Variants in SHLD1 observed in about 807,000 individuals in gnomAD.
SHLD1 encodes the protein shieldin complex subunit 1, also known as RINN1-REV7-interacting novel NHEJ regulator 3.
In SHLD1, 3 loss-of-function variants were observed where a neutral mutation model predicts 5.5. The observed-to-expected ratio is 0.54, with a 90% CI of 0.25 to 1.40. The LOEUF (loss-of-function observed/expected upper bound fraction) is 1.40. Ranked by LOEUF, SHLD1 falls within the 40% of genes most tolerant of loss-of-function variation. The pLI is 0.15. For missense variants in SHLD1, 210 were observed against 244.4 expected (o/e 0.86, Z 0.94); for synonymous variants, 92 against 94.3 (o/e 0.98, Z 0.14).
intron 1 of SHLD1, among the ~76,000 whole-genome samples, chr20:5,765,459 G>A (rs772999661): frequency 4.5e-4 from 69 of 151,772 alleles, no homozygotes; most frequent in Non-Finnish European, 5.9e-4. Flanking sequence ...CATATTGGCC[G>A]GGGTGGTCTC....
intron 2 of SHLD1, among the ~76,000 whole-genome samples, chr20:5,812,408 A>G (rs950167884): frequency 1.3e-5 from 2 of 152,170 alleles, no homozygotes; most frequent in African/African-American, 4.8e-5. Flanking sequence ...CAACTGGAAG[A>G]TGGTAAGAAC....
chr20:5,856,673 T>A (rs6076878), intron 2 of SHLD1, among the ~76,000 whole-genome samples: 66,256 of 152,066 alleles, frequency 0.44, 14,776 homozygotes, highest in Non-Finnish European at 0.48. Flanking sequence ...TGATAAGTGA[T>A]CATTGATGAC....
Position 5,854,167 on chromosome 20 carries a change from A to G in SHLD1, c.179-8857A>G, listed in dbSNP as rs2088051000. Among the ~76,000 whole-genome samples, 7 of 152,150 alleles carry G rather than the reference A, an allele frequency of 4.6e-5. No homozygotes were observed. The South Asian group carries it at 1.5e-3, about 32-fold the overall frequency. The stretch of plus-strand genomic sequence containing the variant: ...ATTACAGGCATGTTCTACCATGCCC[A>G]GCTAATTTTTGTATTTGTAGTACAG... On this transcript the variant is annotated intron_variant, in intron 2 of 2. Transcript: ENST00000303142.
chr20:5,792,747 C>A (rs950567129), intron 2 of SHLD1, among the ~76,000 whole-genome samples: 1 of 151,414 alleles, frequency 6.6e-6, no homozygotes, highest in Admixed American at 6.6e-5. Context: ...GATCCCGGCT[C>A]ACTGTAGCCT....
chr20:5,772,709 C>T (rs542187645), intron 1 of SHLD1, among the ~76,000 whole-genome samples, 153 bp from the exon 2 acceptor site: 32 of 152,168 alleles, frequency 2.1e-4, no homozygotes, highest in African/African-American at 7.2e-4. Flanking sequence ...CCCAGGAGTT[C>T]AAGACCAGCC....
chr20:5,848,040 T>C (rs2122485234), intron 2 of SHLD1, among the ~76,000 whole-genome samples: 1 of 152,296 alleles, frequency 6.6e-6, no homozygotes, highest in South Asian at 2.1e-4. Flanking sequence ...GTTCCTATAT[T>C]AGAATACTAT....
At position 5,855,406 on chromosome 20, in the gene SHLD1, C is replaced by T. The variant is rs1187778215; in HGVS notation, c.179-7618C>T. On this transcript the variant is annotated intron_variant, in intron 2 of 2. Transcript: ENST00000303142. The surrounding 1 kb of genome is among the most constrained non-coding windows in gnomAD (Gnocchi z 4.4). ...TTTATTTTTGAGACAGAGTCTCGCT[C>T]TGTCACCTAGACTGGAGTACAGTGG... Among the ~76,000 whole-genome samples, 2 of 152,194 alleles carry T rather than the reference C, an allele frequency of 1.3e-5. No homozygotes were observed. Among genetic ancestry groups the T allele is most frequent in the Non-Finnish European group, 2.9e-5 (2 of 68,044 alleles).
chr20:5,811,205 T>TC (rs1348593903), intron 2 of SHLD1, among the ~76,000 whole-genome samples: 1 of 152,118 alleles, frequency 6.6e-6, no homozygotes, highest in Non-Finnish European at 1.5e-5. Context: ...CAGAGAGATG[T>TC]CCCAGGTCAT....
At chr20:5,834,149 T>A (rs1433480892) in intron 2 of SHLD1, among the ~76,000 whole-genome samples, 1 of 152,186 alleles carries the variant, frequency 6.6e-6, no homozygotes, top group East Asian at 1.9e-4. Context: ...GGAGCTACCA[T>A]TCCTGTCTGA....
intron 2 of SHLD1, among the ~76,000 whole-genome samples, chr20:5,810,250 C>G (rs1834375272): frequency 6.6e-6 from 1 of 150,542 alleles, no homozygotes; most frequent in Non-Finnish European, 1.5e-5. Context: ...AAGCAAGACT[C>G]TGTCTCGGAA....
chr20:5,755,521 T>TG (rs1361512822), intron 1 of SHLD1, among the ~76,000 whole-genome samples: 8 of 152,128 alleles, frequency 5.3e-5, no homozygotes, highest in African/African-American at 1.9e-4. Context: ...TCAGAAAGGT[T>TG]GGGGGCTACT....
rs1359147777 is a variant in SHLD1, at chr20:5,773,354, G to A, written c.178+311G>A. On this transcript the variant is annotated intron_variant, in intron 2 of 2. Coordinates refer to ENST00000303142, the MANE Select transcript of SHLD1 (RefSeq NM_152504.4). The stretch of plus-strand genomic sequence containing the variant: ...ATATTTGGTTCAACAAAGAGAGAGT[G>A]GAATTTTTTTTTGTTTTGTTCTTTT... The A allele has an allele frequency of 5.6e-6, 3 of 537,890 alleles. No homozygotes were observed. The East Asian group carries it at 8.5e-5, about 15-fold the overall frequency. 33.3% of individuals were successfully genotyped at this position (537,890 alleles called of 1,614,324 possible).
chr20:5,835,974 C>A (rs905339337), intron 2 of SHLD1, among the ~76,000 whole-genome samples: 1 of 152,184 alleles, frequency 6.6e-6, no homozygotes, highest in African/African-American at 2.4e-5. Flanking sequence ...CATGACCGAT[C>A]GGAGGTTAAA....
intron 2 of SHLD1, among the ~76,000 whole-genome samples, chr20:5,832,585 G>A (rs1276640883): frequency 6.6e-6 from 1 of 152,090 alleles, no homozygotes; most frequent in African/African-American, 2.4e-5. Flanking sequence ...CTATAGGCAT[G>A]TGTCATCACA....
intron 1 of SHLD1, among the ~76,000 whole-genome samples, chr20:5,767,074 C>T (rs889331801): frequency 6.6e-6 from 1 of 152,126 alleles, no homozygotes; most frequent in Non-Finnish European, 1.5e-5. Context: ...CCGAAACTGT[C>T]TCTCCTTGTT....
At chr20:5,835,486 G>C (rs1032290721) in intron 2 of SHLD1, among the ~76,000 whole-genome samples, 1 of 152,224 alleles carries the variant, frequency 6.6e-6, no homozygotes, top group Non-Finnish European at 1.5e-5. Flanking sequence ...AGAAGCTGTG[G>C]TGGGGGCTGG....
At chr20:5,780,449 T>G (rs1209663708) in intron 2 of SHLD1, among the ~76,000 whole-genome samples, 1 of 152,076 alleles carries the variant, frequency 6.6e-6, no homozygotes, top group Non-Finnish European at 1.5e-5. Flanking sequence ...TCCAGGCAGG[T>G]GGCAGGCAGT....
At chr20:5,805,845 C>T (rs935532974) in intron 2 of SHLD1, among the ~76,000 whole-genome samples, 1 of 152,136 alleles carries the variant, frequency 6.6e-6, no homozygotes. Context: ...AGGTGATCCG[C>T]CCTCCTTGGC....
At position 5,760,433 on chromosome 20, in the gene SHLD1, C is replaced by G. The variant is rs547639750; in HGVS notation, c.-5+9954C>G. Among the ~76,000 whole-genome samples, 66 of 152,150 alleles carry G rather than the reference C, an allele frequency of 4.3e-4. 1 individual carries two copies. The highest frequency in any genetic ancestry group is 2.1e-3 in the Admixed American group (32 of 15,252). On this transcript the variant is annotated intron_variant, in intron 1 of 2. Coordinates refer to ENST00000303142, the MANE Select transcript of SHLD1 (RefSeq NM_152504.4). ...TGAGGCCGGGCTTGGTGGCTTACAC[C>G]TGTAATCCCAACACTTTGGGAGGCT...
Sources: allele counts gnomAD v4.1 joint callset (sites outside exome capture counted in the v4.1 genomes callset), GRCh38; gene constraint gnomAD v4.1.1; non-coding constraint Gnocchi (gnomAD v3.1); transcripts MANE v1.5; gene names NCBI Gene and HGNC (gene_info 2026-07-23, HGNC 2026-07-21).